Variants in IKZF5 observed in about 807,000 individuals in gnomAD.
The protein encoded by IKZF5 is zinc finger protein Pegasus.
Under a neutral mutation model 30.7 loss-of-function variants are expected in IKZF5, and 4 were observed. That is an observed-to-expected ratio of 0.13 (90% confidence interval 0.06 to 0.30). IKZF5 has a LOEUF of 0.30. Ranked by LOEUF, IKZF5 falls within the 10% of genes least tolerant of loss-of-function variation. The pLI, the probability that IKZF5 is intolerant of heterozygous loss-of-function variation, is 1.00. For synonymous variants in IKZF5, 148 were observed against 179.6 expected (o/e 0.82, Z 1.41); for missense variants, 348 against 525.5 (o/e 0.66, Z 3.30).
In IKZF5 at chr10:122,993,399, A is replaced by G. The variant is rs1393036118; in HGVS notation, c.*381T>C. ...TTCTGTAATTTATTCTACCATTTTG[A>G]AATATGGCAGAAATAACATCCAGTT... On this transcript the variant is annotated 3_prime_UTR_variant, in exon 5 of 5. Coordinates refer to ENST00000368886, the MANE Select transcript of IKZF5 (RefSeq NM_001372123.1). 9 of 156,368 alleles carry G rather than the reference A, an allele frequency of 5.8e-5. No homozygotes were observed. In the East Asian group the frequency reaches 1.1e-3, roughly 19 times the overall value. The allele number at this position is 156,368 out of a possible 1,614,324, so 9.7% of individuals were successfully genotyped here. A position where few individuals can be genotyped will look rare whatever the true frequency, so the allele number is the denominator to read the frequency against.
intron 2 of IKZF5, among the ~76,000 whole-genome samples, chr10:123,004,586 C>T (rs1000547978): frequency 2.0e-5 from 3 of 149,472 alleles, no homozygotes; most frequent in African/African-American, 7.4e-5. Context: ...TGTTCCTTGC[C>T]ATAAATTGTG....
At position 122,994,260 on chromosome 10, in the gene IKZF5, C is replaced by A; in HGVS notation, c.780G>T (p.Gly260=). ...NPLNQLSTLA[G]QLSSLPPENQ... The stretch of plus-strand genomic sequence containing the variant: ...TTTCGGGTGGCAGACTGGACAACTG[C>A]CCTGCTAGAGTCGAGAGCTGATTCA... Residue 260 remains glycine, a synonymous_variant, in exon 5 of 5, where the codon GGG becomes GGT. Coordinates refer to ENST00000368886, the MANE Select transcript of IKZF5 (RefSeq NM_001372123.1). The surrounding 1 kb of genome is among the most constrained non-coding windows in gnomAD (Gnocchi z 5.6). The A allele has an allele frequency of 7.4e-6, 12 of 1,613,956 alleles. No homozygotes were observed. Among genetic ancestry groups the A allele is most frequent in the Non-Finnish European group, 9.3e-6 (11 of 1,179,984 alleles).
At chr10:122,996,807 T>C (rs770862892) in intron 3 of IKZF5, among the ~76,000 whole-genome samples, 1 of 152,240 alleles carries the variant, frequency 6.6e-6, no homozygotes, top group Non-Finnish European at 1.5e-5. Context: ...AGAGATTCAC[T>C]GGAGAGTGAT....
rs1849142208 is a variant in IKZF5, at chr10:122,990,939, A to G, written c.*2841T>C. ...AAACAATATAGTGTATTGTACAACCATAATGCAAGTTATGTTTTGCATACA... is the reference window on the plus strand; with the variant it reads ...AAACAATATAGTGTATTGTACAACCGTAATGCAAGTTATGTTTTGCATACA... On this transcript the variant is annotated 3_prime_UTR_variant, in exon 5 of 5. Transcript: ENST00000368886. 6.6e-6 allele frequency: 1 copy of G among 151,360 alleles called. No individual in the cohort carries two copies. The highest frequency in any genetic ancestry group is 6.6e-5 in the Admixed American group (1 of 15,116). 9.4% of individuals were successfully genotyped at this position (151,360 alleles called of 1,614,324 possible).
At position 122,993,842 on chromosome 10, in the gene IKZF5, T is replaced by C; in HGVS notation, c.1198A>G (p.Lys400Glu). 2 of 1,613,402 alleles carry C rather than the reference T, an allele frequency of 1.2e-6. No individual in the cohort carries two copies. The highest frequency in any genetic ancestry group is 1.7e-6 in the Non-Finnish European group (2 of 1,179,532). Reference sequence around the variant, plus strand: ...GCAAAATCATACTTGTTTTTACATTTGCATCCACATATATTACACTGAAAA... The same window carrying C: ...GCAAAATCATACTTGTTTTTACATTCGCATCCACATATATTACACTGAAAA... The part of the protein sequence containing the change: ...NPFQCNICGC[K>E]CKNKYDFACH... The change falls in exon 5 of 5, where the codon AAA (lysine) becomes GAA (glutamate). Residue 400 changes from lysine (K) to glutamate (E), a missense_variant. Physicochemically the swap from Lys to Glu is moderately conservative, Grantham distance 56. This residue lies in a region of IKZF5 where 56 missense variants were observed against 104.7 expected (regional missense o/e 0.53). Transcript: ENST00000368886.
intron 3 of IKZF5, chr10:122,997,325 T>A (rs763475447): frequency 1.1e-3 from 172 of 152,262 alleles, no homozygotes; most frequent in Non-Finnish European, 2.0e-3. Context: ...CACCGGTTCC[T>A]CACTCCTCAC....
At position 122,994,802 on chromosome 10, in the gene IKZF5, A is replaced by C; in HGVS notation, c.317-79T>G. The C allele has an allele frequency of 8.8e-7, 1 of 1,134,864 alleles. No homozygotes were observed. The highest frequency in any genetic ancestry group is 1.3e-6 in the Non-Finnish European group (1 of 793,018). 70.3% of individuals were successfully genotyped at this position (1,134,864 alleles called of 1,614,324 possible). A position where few individuals can be genotyped will look rare whatever the true frequency, so the allele number is the denominator to read the frequency against. On this transcript the variant is annotated intron_variant, in intron 4 of 4. Coordinates refer to ENST00000368886, the MANE Select transcript of IKZF5 (RefSeq NM_001372123.1). The surrounding 1 kb of genome is among the most constrained non-coding windows in gnomAD (Gnocchi z 5.6). The stretch of plus-strand genomic sequence containing the variant: ...AGTTTTGCTTGTCCATTCATTGGAC[A>C]ACTGGAAATTGATCAAAAAGAAAAT...
intron 2 of IKZF5, among the ~76,000 whole-genome samples, chr10:123,002,815 A>G (rs1267063813): frequency 6.6e-6 from 1 of 150,660 alleles, no homozygotes; most frequent in African/African-American, 2.4e-5. Context: ...CCAAAACATT[A>G]TTAGTATTAC....
intron 1 of IKZF5, 69 bp downstream of exon 1, chr10:123,008,625 C>T (rs1849920341): frequency 3.1e-6 from 1 of 320,862 alleles, no homozygotes; most frequent in African/African-American, 2.1e-5. Context: ...CTCCAGTCTC[C>T]GGCCGCTCCT....
Position 123,006,143 on chromosome 10 carries a change from C to T in IKZF5, c.-47+883G>A, listed in dbSNP as rs958418774. Among the ~76,000 whole-genome samples, 3 of 152,082 alleles carry T rather than the reference C, an allele frequency of 2.0e-5. No homozygotes were observed. The East Asian group carries it at 5.8e-4, about 29-fold the overall frequency. On this transcript the variant is annotated intron_variant, in intron 2 of 4. Coordinates refer to ENST00000368886, the MANE Select transcript of IKZF5 (RefSeq NM_001372123.1). The stretch of plus-strand genomic sequence containing the variant: ...TATTATTCAAGGCTCAAAATCAATG[C>T]TTTCAGAAAACAACCAGAGGCTATG...
intron 2 of IKZF5, among the ~76,000 whole-genome samples, chr10:123,006,682 T>C (rs1849800278): frequency 2.0e-5 from 3 of 152,226 alleles, no homozygotes. Flanking sequence ...ACTAATTTAC[T>C]TACATAATAA....
chr10:122,994,978 G>T lies in IKZF5; in HGVS notation c.317-255C>A. 1 of 398,232 alleles carries T rather than the reference G, an allele frequency of 2.5e-6. No homozygotes were observed. Among genetic ancestry groups the T allele is most frequent in the Admixed American group, 4.1e-5 (1 of 24,138 alleles). 24.7% of individuals were successfully genotyped at this position (398,232 alleles called of 1,614,324 possible). A position where few individuals can be genotyped will look rare whatever the true frequency, so the allele number is the denominator to read the frequency against. ...TCAATACAGTATAAAAACTGTTATG[G>T]CTTCGAATGCATTTAGAGAGAAGAA... On this transcript the variant is annotated intron_variant, in intron 4 of 4. Transcript: ENST00000368886. The surrounding 1 kb of genome is among the most constrained non-coding windows in gnomAD (Gnocchi z 5.6).
In IKZF5 at chr10:122,994,409, A is replaced by C; in HGVS notation, c.631T>G (p.Tyr211Asp). 1 of 1,614,070 alleles carries C rather than the reference A, an allele frequency of 6.2e-7. No homozygotes were observed. The highest frequency in any genetic ancestry group is 8.5e-7 in the Non-Finnish European group (1 of 1,180,008). ...PPSMVVQKPD[Y>D]LNDFTHEIPN... ...ATTTCGTGGGTAAAATCGTTAAGGT[A>C]GTCTGGTTTCTGAACCACCATGGAA... The change falls in exon 5 of 5, where the codon TAC (tyrosine) becomes GAC (aspartate). Residue 211 changes from tyrosine (Y) to aspartate (D), a missense_variant. Tyr to Asp is a radical substitution (Grantham distance 160, BLOSUM62 -3). Coordinates refer to ENST00000368886, the MANE Select transcript of IKZF5 (RefSeq NM_001372123.1). The surrounding 1 kb of genome is among the most constrained non-coding windows in gnomAD (Gnocchi z 5.6).
chr10:122,995,046 T>C (rs1849311902), intron 4 of IKZF5: 1 of 240,666 alleles, frequency 4.2e-6, no homozygotes, highest in Non-Finnish European at 8.0e-6. Context: ...TACATAATAA[T>C]GAGTTTATCA....
rs1369346805 is a variant in IKZF5 at position 122,993,915 on chromosome 10, G to A, written c.1125C>T (p.Asp375=). ...HCQHCDMYFA[D]NILYTIHMGC... ...CCATATGAATAGTGTAAAGGATGTT[G>A]TCTGCAAAGTACATATCACAGTGCT... The change falls in exon 5 of 5, where the codon GAC becomes GAT. Residue 375 remains aspartate (D), a synonymous_variant. Coordinates refer to ENST00000368886, the MANE Select transcript of IKZF5 (RefSeq NM_001372123.1). The A allele has an allele frequency of 6.2e-7, 1 of 1,614,126 alleles. No individual in the cohort carries two copies. Among genetic ancestry groups the A allele is most frequent in the South Asian group, 1.1e-5 (1 of 91,084 alleles).
rs187238134 is a variant in IKZF5 at position 123,000,208 on chromosome 10, C to A, written c.-46-1537G>T. On this transcript the variant is annotated intron_variant, in intron 2 of 4. Coordinates refer to ENST00000368886, the MANE Select transcript of IKZF5 (RefSeq NM_001372123.1). The stretch of plus-strand genomic sequence containing the variant: ...GGATGCCGGCATCCCAGAAACCCCC[C>A]TCGTGTACCCTTCCAATGCTAGGAC... Among the ~76,000 whole-genome samples the A allele has an allele frequency of 4.5e-4, 68 of 152,346 alleles. No homozygotes were observed. The East Asian group carries it at 9.3e-3, about 21-fold the overall frequency.
In IKZF5 at chr10:123,007,897, A is replaced by G. The variant is rs547215761; in HGVS notation, c.-197-721T>C. Among the ~76,000 whole-genome samples, 9 of 152,246 alleles carry G rather than the reference A, an allele frequency of 5.9e-5. No individual in the cohort carries two copies. The East Asian group carries it at 1.7e-3, about 29-fold the overall frequency. Reference sequence around the variant, plus strand: ...AAAACTGAATTTCCTCAGATCACACAATTTAAGACGCCTTTATGTCTTCTT... The same window carrying G: ...AAAACTGAATTTCCTCAGATCACACGATTTAAGACGCCTTTATGTCTTCTT... On this transcript the variant is annotated intron_variant, in intron 1 of 4. Transcript: ENST00000368886.
chr10:122,996,252 G>A, intron 3 of IKZF5, 76 bp from the exon 4 acceptor site: 1 of 1,278,706 alleles, frequency 7.8e-7, no homozygotes, highest in African/African-American at 1.5e-5. Flanking sequence ...TTAAGTGGTT[G>A]AAAAATCTTA....
chr10:123,002,333 A>G (rs1242017968), intron 2 of IKZF5, among the ~76,000 whole-genome samples: 1 of 151,816 alleles, frequency 6.6e-6, no homozygotes, highest in Non-Finnish European at 1.5e-5. Context: ...GCTGGCCAAC[A>G]TGGTGAAACC....
Sources: allele counts gnomAD v4.1 joint callset (sites outside exome capture counted in the v4.1 genomes callset), GRCh38; gene constraint gnomAD v4.1.1; regional missense constraint gnomAD v4.1.1; non-coding constraint Gnocchi (gnomAD v3.1); transcripts MANE v1.5; gene names NCBI Gene and HGNC (gene_info 2026-07-23, HGNC 2026-07-21).